ATXN2: variants seen among roughly 807,000 people sequenced by gnomAD.
ATXN2 encodes the protein ataxin 2.
In ATXN2, 37 loss-of-function variants were observed where a neutral mutation model predicts 138.6. The ratio of observed to expected loss-of-function variants is 0.27; its 90% CI spans 0.21 to 0.35. The LOEUF is 0.35. Among genes scored for constraint, ATXN2 ranks in the 10% least tolerant of loss-of-function variants. The pLI is 1.00. For missense variants in ATXN2, 1,216 were observed against 1,480.3 expected (o/e 0.82, Z 2.93); for synonymous variants, 549 against 543.7 (o/e 1.01, Z -0.13).
chr12:111,522,974 CT>C (rs1439702216), intron 6 of ATXN2, among the ~76,000 whole-genome samples: 6 of 149,170 alleles, frequency 4.0e-5, no homozygotes, highest in African/African-American at 1.2e-4. Context: ...ATGAACAGCT[CT>C]TTAAAAAAAA....
chr12:111,581,477 G>A (rs1268362590), intron 1 of ATXN2: 17 of 953,918 alleles, frequency 1.8e-5, no homozygotes, highest in Non-Finnish European at 1.9e-5. Flanking sequence ...TGTGCTGGGG[G>A]CACCCCACAA....
chr12:111,465,216 G>C (rs1875904014), intron 20 of ATXN2, among the ~76,000 whole-genome samples: 1 of 151,722 alleles, frequency 6.6e-6, no homozygotes, highest in South Asian at 2.1e-4. Flanking sequence ...GTATTTGAGT[G>C]TATTTAAATA....
intron 1 of ATXN2, chr12:111,597,885 AGGGTCCAGCCT>A (rs992937881): frequency 5.7e-5 from 74 of 1,288,366 alleles, no homozygotes; most frequent in Middle Eastern, 4.3e-4. Flanking sequence ...CCGGATCTCC[AGGGTCCAGCCT>A]GGGTCCAGCC....
chr12:111,599,466 A>G, upstream of ATXN2: 1 of 1,211,464 alleles, frequency 8.3e-7, no homozygotes, highest in Non-Finnish European at 1.0e-6. Flanking sequence ...AAGCGGCGAG[A>G]CTCGGTGGCC....
intron 1 of ATXN2, among the ~76,000 whole-genome samples, chr12:111,595,663 A>G (rs1164407759): frequency 6.6e-6 from 1 of 151,794 alleles, no homozygotes; most frequent in African/African-American, 2.4e-5. Context: ...AAAAATTTAC[A>G]TTTACAATAC....
chr12:111,534,679 A>G (rs1881045359), intron 5 of ATXN2, among the ~76,000 whole-genome samples: 1 of 151,914 alleles, frequency 6.6e-6, no homozygotes, highest in Non-Finnish European at 1.5e-5. Context: ...ACTTCATGAC[A>G]CCCTATGATG....
intron 1 of ATXN2, among the ~76,000 whole-genome samples, chr12:111,595,359 C>G (rs1418230332): frequency 6.6e-6 from 1 of 152,190 alleles, no homozygotes; most frequent in African/African-American, 2.4e-5. Flanking sequence ...AAAAACCTTA[C>G]AGCCGGGCGC....
At chr12:111,454,856 T>C in intron 23 of ATXN2, 1 of 546,006 alleles carries the variant, frequency 1.8e-6, no homozygotes, top group Non-Finnish European at 3.3e-6. Flanking sequence ...CACCAGCCTC[T>C]GGTAGACACC....
upstream of ATXN2, chr12:111,599,616 C>A (rs949448415): frequency 2.9e-5 from 31 of 1,073,252 alleles, no homozygotes; most frequent in South Asian, 1.4e-4. Flanking sequence ...CGTGAGGTGG[C>A]CCCGGGGCCG....
Position 111,520,071 on chromosome 12 carries a change from G to A in ATXN2, c.794C>T (p.Pro265Leu), listed in dbSNP as rs748759806. The A allele has an allele frequency of 6.2e-7, 1 of 1,613,460 alleles. No homozygotes were observed. The highest frequency in any genetic ancestry group is 8.5e-7 in the Non-Finnish European group (1 of 1,179,934). Residue 265 changes from proline (P) to leucine (L), a missense_variant, in exon 8 of 25, where the codon CCC becomes CTC. Physicochemically the swap from Pro to Leu is moderately conservative, Grantham distance 98. This residue lies in a region of ATXN2 where 401 missense variants were observed against 528.1 expected (regional missense o/e 0.76). Transcript: ENST00000673436. ...TTCTTCTGAGTTATCTCTTTCTAAG[G>A]GCACTCTGAAACATGAGGAAAAGAA... ...YDSSLSSYTV[P>L]LERDNSEEFL...
chr12:111,559,695 C>T (rs1254265718), intron 1 of ATXN2, among the ~76,000 whole-genome samples: 1 of 150,986 alleles, frequency 6.6e-6, no homozygotes, highest in Non-Finnish European at 1.5e-5. Flanking sequence ...ATCACTTGAA[C>T]CCGGGAAGTG....
At position 111,471,791 on chromosome 12, in the gene ATXN2, C is replaced by T. The variant is rs146420321; in HGVS notation, c.2525-1049G>A. 211 of 151,998 alleles carry T rather than the reference C, an allele frequency of 1.4e-3. 1 individual carries two copies. Among genetic ancestry groups the T allele is most frequent in the African/African-American group, 4.8e-3 (201 of 41,450 alleles). The allele number at this position is 151,998 out of a possible 1,614,324, so 9.4% of individuals were successfully genotyped here. The stretch of plus-strand genomic sequence containing the variant: ...AAAAAAGCCACTGAAAACTACTTAT[C>T]ACTTTTATCAAATGAAAGTTTGCCC... On this transcript the variant is annotated intron_variant, in intron 18 of 24. Transcript: ENST00000673436.
At chr12:111,566,760 C>G (rs1883034491) in intron 1 of ATXN2, among the ~76,000 whole-genome samples, 1 of 152,100 alleles carries the variant, frequency 6.6e-6, no homozygotes. Flanking sequence ...CCTCAGTCTC[C>G]CAAGTAGCTG....
chr12:111,511,834 T>C (rs1304903290), intron 11 of ATXN2: 3 of 152,056 alleles, frequency 2.0e-5, no homozygotes, highest in Non-Finnish European at 4.4e-5. Flanking sequence ...AGGAAGAAAA[T>C]AAAAAGTACA....
At chr12:111,574,360 T>C (rs1454824758) in intron 1 of ATXN2, among the ~76,000 whole-genome samples, 2 of 150,118 alleles carry the variant, frequency 1.3e-5, no homozygotes, top group African/African-American at 2.5e-5. Context: ...ATAGCATTTA[T>C]AGACTATGAA....
In ATXN2 at chr12:111,552,937, T is replaced by C. The variant is rs1375098652; in HGVS notation, c.389A>G (p.Tyr130Cys). 1 of 1,564,580 alleles carries C rather than the reference T, an allele frequency of 6.4e-7. No individual in the cohort carries two copies. Residue 130 changes from tyrosine (Y) to cysteine (C), a missense_variant, in exon 4 of 25, where the codon TAT becomes TGT. Physicochemically the swap from Tyr to Cys is radical, Grantham distance 194 (BLOSUM62 -2). This residue lies in a region of ATXN2 where 401 missense variants were observed against 528.1 expected (regional missense o/e 0.76). Transcript: ENST00000673436. The surrounding 1 kb of genome is among the most constrained non-coding windows in gnomAD (Gnocchi z 4.1). The stretch of plus-strand genomic sequence containing the variant: ...ACTGTAAGTTTTAAAAACTCCTTCA[T>C]ATATACCTCCATTTTTCACTTGTAC... ...CEVQVKNGGI[Y>C]EGVFKTYSPK...
intron 1 of ATXN2, among the ~76,000 whole-genome samples, chr12:111,563,637 T>C (rs1164078153): frequency 2.0e-5 from 3 of 152,186 alleles, no homozygotes; most frequent in African/African-American, 7.2e-5. Flanking sequence ...AAAATGTTAC[T>C]TGAAGAATAC....
At chr12:111,576,736 G>T (rs1471509076) in intron 1 of ATXN2, among the ~76,000 whole-genome samples, 1 of 151,360 alleles carries the variant, frequency 6.6e-6, no homozygotes, top group Non-Finnish European at 1.5e-5. Context: ...GAGGCGGGCG[G>T]ATCACAAAGT....
chr12:111,562,701 T>A (rs1374442392), intron 1 of ATXN2, among the ~76,000 whole-genome samples: 2 of 76,160 alleles, frequency 2.6e-5, no homozygotes, highest in Non-Finnish European at 4.8e-5. Flanking sequence ...GCCTGGGCAA[T>A]AAGAGCGAAA....
Sources: allele counts gnomAD v4.1 joint callset (sites outside exome capture counted in the v4.1 genomes callset), GRCh38; gene constraint gnomAD v4.1.1; regional missense constraint gnomAD v4.1.1; non-coding constraint Gnocchi (gnomAD v3.1); transcripts MANE v1.5; gene names NCBI Gene and HGNC (gene_info 2026-07-23, HGNC 2026-07-21).